PRELID2: variants seen among roughly 807,000 people sequenced by gnomAD.
The protein encoded by PRELID2 is PRELI domain containing 2, also known as PRELI domain-containing protein 2.
Under a neutral mutation model 28.4 loss-of-function variants are expected in PRELID2, and 25 were observed. That is an observed-to-expected ratio of 0.88 (90% CI 0.64 to 1.23). PRELID2 has a LOEUF of 1.23. Among genes scored for constraint, PRELID2 ranks in the 50% most tolerant of loss-of-function variants. The pLI, the probability that PRELID2 is intolerant of heterozygous loss-of-function variation, is 0.00. For missense variants in PRELID2, 201 were observed against 214.4 expected (o/e 0.94, Z 0.39); for synonymous variants, 76 against 71.6 (o/e 1.06, Z -0.31).
chr5:145,652,155 G>A (rs1344837229), intron 1 of PRELID2, among the ~76,000 whole-genome samples: 2 of 151,950 alleles, frequency 1.3e-5, no homozygotes, highest in Non-Finnish European at 2.9e-5. Context: ...AGGGTATCAG[G>A]GATTGAAGAT....
the PRELID2 span, among the ~76,000 whole-genome samples, chr5:145,356,683 C>T: frequency 1.8e-4 from 27 of 152,288 alleles, no homozygotes; most frequent in African/African-American, 6.0e-4. Flanking sequence ...GATGCATACG[C>T]TGTAGACAGC....
At chr5:145,384,616 T>C in the PRELID2 span, among the ~76,000 whole-genome samples, 6 of 152,168 alleles carry the variant, frequency 3.9e-5, 1 homozygote, top group African/African-American at 7.2e-5. Context: ...TACGTGAGAC[T>C]GGGTAATTTG....
chr5:145,447,315 A>G, the PRELID2 span, among the ~76,000 whole-genome samples: 1 of 151,914 alleles, frequency 6.6e-6, no homozygotes, highest in East Asian at 1.9e-4. Flanking sequence ...AACCCAGGAT[A>G]TATGAATAAT....
chr5:145,403,221 C>T, the PRELID2 span, among the ~76,000 whole-genome samples: 2 of 152,056 alleles, frequency 1.3e-5, no homozygotes, highest in Non-Finnish European at 2.9e-5. Context: ...TAAGGAAAAG[C>T]CCATAGCTTT....
intron 1 of PRELID2, among the ~76,000 whole-genome samples, chr5:145,543,019 C>T (rs1270374886): frequency 6.6e-6 from 1 of 152,024 alleles, no homozygotes; most frequent in Non-Finnish European, 1.5e-5. Flanking sequence ...TTTCTTCCTG[C>T]TCTTTGCTTA....
At chr5:145,447,163 G>A in the PRELID2 span, among the ~76,000 whole-genome samples, 1 of 151,774 alleles carries the variant, frequency 6.6e-6, no homozygotes, top group African/African-American at 2.4e-5. Flanking sequence ...ATGCTTGTTG[G>A]TTATATAGGC....
the PRELID2 span, among the ~76,000 whole-genome samples, chr5:145,416,930 A>T: frequency 6.6e-6 from 1 of 152,034 alleles, no homozygotes; most frequent in Non-Finnish European, 1.5e-5. Context: ...CATAAAAAGC[A>T]AAAGCAAGTT....
chr5:145,741,306 AATTT>A (rs1338057017), intron 1 of PRELID2, among the ~76,000 whole-genome samples: 1,819 of 94,496 alleles, frequency 0.019, 43 homozygotes, highest in East Asian at 0.082. Flanking sequence ...ATATATAAAT[AATTT>A]ATTTATAAAT....
intron 1 of PRELID2, among the ~76,000 whole-genome samples, chr5:145,478,498 C>T (rs1446487683): frequency 6.6e-6 from 1 of 151,910 alleles, no homozygotes; most frequent in African/African-American, 2.4e-5. Flanking sequence ...TTGCAGTGAG[C>T]CAAGATCACG....
chr5:145,726,794 T>C (rs972349899), intron 1 of PRELID2, among the ~76,000 whole-genome samples: 16 of 152,236 alleles, frequency 1.1e-4, no homozygotes, highest in African/African-American at 3.6e-4. Context: ...TTCTGTAGCA[T>C]GTCTATTAAC....
chr5:145,616,579 C>G (rs1374105521), intron 1 of PRELID2, among the ~76,000 whole-genome samples: 3 of 152,050 alleles, frequency 2.0e-5, no homozygotes, highest in Non-Finnish European at 2.9e-5. Flanking sequence ...GCCCCCCAAG[C>G]CGTAAAACCA....
intron 4 of PRELID2, among the ~76,000 whole-genome samples, chr5:145,799,143 C>T (rs1192846057): frequency 2.0e-5 from 3 of 150,088 alleles, no homozygotes; most frequent in Non-Finnish European, 4.4e-5. Flanking sequence ...TCACATTAAG[C>T]TCCTATAAGA....
chr5:145,289,792 C>T, the PRELID2 span, among the ~76,000 whole-genome samples: 7 of 152,246 alleles, frequency 4.6e-5, no homozygotes, highest in East Asian at 1.4e-3. Context: ...TTAATTTTAG[C>T]CATTCTACTA....
the PRELID2 span, among the ~76,000 whole-genome samples, chr5:145,373,058 A>C: frequency 2.3e-5 from 2 of 85,254 alleles, no homozygotes; most frequent in African/African-American, 9.8e-5. Context: ...TACAACATAT[A>C]TAATATATGA....
chr5:145,772,016 T>C (rs1349985986), intron 5 of PRELID2, among the ~76,000 whole-genome samples: 3 of 152,204 alleles, frequency 2.0e-5, no homozygotes, highest in Non-Finnish European at 2.9e-5. Context: ...TCTACCACAA[T>C]AAAGCAACTT....
chr5:145,244,037 T>C, the PRELID2 span, among the ~76,000 whole-genome samples: 613 of 152,110 alleles, frequency 4.0e-3, 5 homozygotes, highest in African/African-American at 0.014. Context: ...ACTGTAACAT[T>C]TGCCTCCCCA....
chr5:145,721,705 A>G (rs570036101), intron 1 of PRELID2, among the ~76,000 whole-genome samples: 2 of 152,270 alleles, frequency 1.3e-5, no homozygotes, highest in South Asian at 2.1e-4. Flanking sequence ...GGATGTATAT[A>G]AGACCCACAC....
At chr5:145,752,409 T>C (rs11740064), downstream of PRELID2, among the ~76,000 whole-genome samples, 4,314 of 152,310 alleles carry the variant, frequency 0.028, 102 homozygotes, top group Non-Finnish European at 0.047. Flanking sequence ...TGTGGCCATC[T>C]AGTGCCACCA....
Position 145,560,782 on chromosome 5 carries a change from C to A in PRELID2, n.71-87467G>T, listed in dbSNP as rs1376780267. 2.6e-5 allele frequency among the ~76,000 whole-genome samples: 4 copies of A among 152,328 alleles called. No homozygotes were observed. The East Asian group carries it at 7.7e-4, about 29-fold the overall frequency. On this transcript the variant is annotated intron_variant and non_coding_transcript_variant, in intron 1 of 2. Transcript: ENST00000510259. ...TCAAAGACATGTATGTTCAACACTT[C>A]TAAAGGCTGTACCAAAATGCCTCTC...
Sources: allele counts gnomAD v4.1 joint callset (sites outside exome capture counted in the v4.1 genomes callset), GRCh38; gene constraint gnomAD v4.1.1; transcripts MANE v1.5; gene names NCBI Gene and HGNC (gene_info 2026-07-23, HGNC 2026-07-21).